Variants in RNASET2 observed in about 807,000 individuals in gnomAD.
The protein encoded by RNASET2 is ribonuclease T2.
A neutral mutation model predicts 33.9 loss-of-function variants in RNASET2; 28 were observed. The observed-to-expected ratio is 0.83, with a 90% CI of 0.61 to 1.13. The LOEUF (loss-of-function observed/expected upper bound fraction) is 1.13. RNASET2 is among the 50% of genes most tolerant of loss of function. The probability of loss-of-function intolerance (pLI) is 0.00; values close to 1 mark genes in which losing one functional copy is unlikely to be tolerated. For missense variants in RNASET2, 330 were observed against 319.9 expected (o/e 1.03, Z -0.24); for synonymous variants, 123 against 121.0 (o/e 1.02, Z -0.11).
chr6:166,938,809 A>T (rs1778628466), intron 6 of RNASET2, 86 bp downstream of exon 6: 1 of 915,490 alleles, frequency 1.1e-6, no homozygotes, highest in East Asian at 2.4e-5. Flanking sequence ...TGAGGTCTAC[A>T]CCCACTCCCC....
At chr6:166,929,939 A>C (rs1002957751) in intron 8 of RNASET2, 148 bp from the exon 9 acceptor site, 3 of 770,400 alleles carry the variant, frequency 3.9e-6, no homozygotes, top group African/African-American at 1.7e-5. Flanking sequence ...GGACCCCTTC[A>C]TTGAGCAGAA....
intron 2 of RNASET2, among the ~76,000 whole-genome samples, chr6:166,952,084 C>A (rs968610590): frequency 1.3e-5 from 2 of 152,186 alleles, no homozygotes; most frequent in Non-Finnish European, 2.9e-5. Flanking sequence ...GAGAACACAC[C>A]GTGAAGGAGA....
rs200890645 is a variant in RNASET2, at chr6:166,955,391, ACACG to A, written c.86+702_86+705del. Reference sequence around the variant, plus strand: ...CACACAAACGCACACGCACACACACACACGCGCACACACACACGCGCACACACAC... The same window carrying A: ...CACACAAACGCACACGCACACACACACGCACACACACACGCGCACACACAC... On this transcript the variant is annotated intron_variant, in intron 1 of 8. Coordinates refer to ENST00000508775, the MANE Select transcript of RNASET2 (RefSeq NM_003730.6). 9.2e-4 allele frequency: 270 copies of A among 294,084 alleles called. 2 individuals are homozygous for A. In the East Asian group the frequency reaches 0.097, roughly 106 times the overall value. 18.2% of individuals were successfully genotyped at this position (294,084 alleles called of 1,614,324 possible).
In RNASET2 at chr6:166,952,548, A is replaced by C. The variant is rs1779012002; in HGVS notation, c.87T>G (p.Arg29=). ...LCLGGADKRL[R]DNHEWKKLIM... ...TTAGTTTTTTCCACTCATGGTTGTC[A>C]CTGTTAAAACATAAGAAACTTATTT... Residue 29 remains arginine, a splice_region_variant and synonymous_variant, in exon 2 of 9, where the codon CGT becomes CGG. Transcript: ENST00000508775. 4 of 1,611,042 alleles carry C rather than the reference A, an allele frequency of 2.5e-6. No homozygotes were observed. Among genetic ancestry groups the C allele is most frequent in the Non-Finnish European group, 2.5e-6 (3 of 1,177,214 alleles).
At chr6:166,955,344 C>G (rs1410036096) in intron 1 of RNASET2, 2 of 151,266 alleles carry the variant, frequency 1.3e-5, no homozygotes, top group East Asian at 5.7e-4. Context: ...CGCACACGCA[C>G]ACGCACGCAC....
chr6:166,934,049 C>T (rs775392413), intron 7 of RNASET2, 42 bp downstream of exon 7: 4 of 1,534,738 alleles, frequency 2.6e-6, no homozygotes, highest in Non-Finnish European at 3.6e-6. Flanking sequence ...CTGGAGGTCC[C>T]CGGGAGAGAC....
intron 7 of RNASET2, chr6:166,932,101 A>G (rs537302111): frequency 1.3e-5 from 2 of 152,896 alleles, no homozygotes; most frequent in African/African-American, 4.8e-5. Flanking sequence ...AGCTTCTGAC[A>G]CCAGCAAATG....
rs1249723827 is a variant in RNASET2, at chr6:166,955,650, A to C, written c.86+447T>G. 6.0e-6 allele frequency: 6 copies of C among 1,004,350 alleles called. No homozygotes were observed. In the East Asian group the frequency reaches 6.5e-4, roughly 109 times the overall value. The allele number at this position is 1,004,350 out of a possible 1,614,324, so 62.2% of individuals were successfully genotyped here. A position where few individuals can be genotyped will look rare whatever the true frequency, so the allele number is the denominator to read the frequency against. ...AGTCTGTGGGATGAGTTTCCAGTCC[A>C]GCTCCAGGCTGGAGTGTACCCAGGA... is the stretch of plus-strand genomic sequence containing the variant. On this transcript the variant is annotated intron_variant, in intron 1 of 8. Coordinates refer to ENST00000508775, the MANE Select transcript of RNASET2 (RefSeq NM_003730.6).
intron 2 of RNASET2, among the ~76,000 whole-genome samples, chr6:166,952,275 C>T (rs1334212981): frequency 6.6e-6 from 1 of 152,254 alleles, no homozygotes; most frequent in Admixed American, 6.5e-5. Context: ...AGGCTCTCAG[C>T]CACCCAGCTT....
chr6:166,929,971 A>C (rs1403913521), intron 8 of RNASET2, among the ~76,000 whole-genome samples, 180 bp from the exon 9 acceptor site: 1 of 152,204 alleles, frequency 6.6e-6, no homozygotes, highest in Non-Finnish European at 1.5e-5. Flanking sequence ...ACTAAATTGG[A>C]AGGAGTGGCC....
chr6:166,935,646 ATGAAG>A (rs1226069839), intron 6 of RNASET2, among the ~76,000 whole-genome samples: 2 of 152,192 alleles, frequency 1.3e-5, no homozygotes, highest in Non-Finnish European at 2.9e-5. Context: ...CCTTCATATT[ATGAAG>A]TGAAGAAAAA....
chr6:166,955,259 A>ACACACACACACG (rs1562506875), intron 1 of RNASET2, among the ~76,000 whole-genome samples: 1 of 103,458 alleles, frequency 9.7e-6, no homozygotes, highest in Non-Finnish European at 1.9e-5. Flanking sequence ...GCACACACGC[A>ACACACACACACG]CACACACACA....
chr6:166,928,431 C>T lies in RNASET2; in HGVS notation c.*1157G>A, dbSNP rs1203369113. The stretch of plus-strand genomic sequence containing the variant: ...GCGAGTAAAGCCGAATATTCACAGG[C>T]ATTGATACAGCTGTTTTTTTTTTTT... On this transcript the variant is annotated 3_prime_UTR_variant, in exon 9 of 9. Coordinates refer to ENST00000508775, the MANE Select transcript of RNASET2 (RefSeq NM_003730.6). 1.4e-5 allele frequency among the ~76,000 whole-genome samples: 2 copies of T among 140,858 alleles called. No individual in the cohort carries two copies. Among genetic ancestry groups the T allele is most frequent in the Non-Finnish European group, 3.0e-5 (2 of 66,360 alleles). The allele number at this position is 140,858 out of a possible 152,430, so 92.4% of individuals were successfully genotyped here. A position where few individuals can be genotyped will look rare whatever the true frequency, so the allele number is the denominator to read the frequency against.
intron 1 of RNASET2, chr6:166,955,359 A>ACACG: frequency 4.1e-6 from 1 of 241,190 alleles, no homozygotes; most frequent in African/African-American, 4.3e-5. Context: ...ACGCACACAC[A>ACACG]CACGCACACA....
chr6:166,950,629 C>A (rs999187288), intron 2 of RNASET2, among the ~76,000 whole-genome samples: 6 of 152,206 alleles, frequency 3.9e-5, no homozygotes, highest in Non-Finnish European at 7.3e-5. Context: ...CTTGACACAC[C>A]GAGCAGGGTA....
rs771496431 is a variant in RNASET2 at position 166,946,707 on chromosome 6, C to A, written c.236G>T (p.Trp79Leu). The change falls in exon 4 of 9, where the codon TGG (tryptophan) becomes TTG (leucine). Residue 79 changes from tryptophan (W) to leucine (L), a missense_variant. Physicochemically the swap from Trp to Leu is moderately conservative, Grantham distance 61 (BLOSUM62 -2). Coordinates refer to ENST00000508775, the MANE Select transcript of RNASET2 (RefSeq NM_003730.6). ...PDKSEGCNRSWPFNLEEIKDL... is the reference protein window; with the variant it reads ...PDKSEGCNRSLPFNLEEIKDL... ...CTTAATCTCTTCTAAATTGAAGGGC[C>A]ACGATCTATTACATCCTTCACTTTT... The A allele has an allele frequency of 1.9e-6, 3 of 1,566,168 alleles. No individual in the cohort carries two copies. The highest frequency in any genetic ancestry group is 1.4e-5 in the African/African-American group (1 of 73,900).
chr6:166,922,710 C>G lies in RNASET2; in HGVS notation c.*6878G>C, dbSNP rs558697431. On this transcript the variant is annotated 3_prime_UTR_variant, in exon 9 of 9. Coordinates refer to ENST00000508775, the MANE Select transcript of RNASET2 (RefSeq NM_003730.6). ...TTATCTTTGGGCCACTGCTGACTAT[C>G]TTTTCTCAATTCAGGTTAAATATTT... Among the ~76,000 whole-genome samples the G allele has an allele frequency of 2.0e-5, 3 of 152,336 alleles. No individual in the cohort carries two copies. The highest frequency in any genetic ancestry group is 4.4e-5 in the Non-Finnish European group (3 of 68,020).
At chr6:166,943,763 G>T (rs1263690807) in intron 4 of RNASET2, 1 of 470,414 alleles carries the variant, frequency 2.1e-6, no homozygotes, top group Admixed American at 2.4e-5. Flanking sequence ...GATTGGGAGA[G>T]TTGAGGGGGA....
In RNASET2 at chr6:166,926,959, CT is replaced by C. The variant is rs1449097926; in HGVS notation, c.*2628del. 6.6e-6 allele frequency among the ~76,000 whole-genome samples: 1 copy of C among 152,190 alleles called. No homozygotes were observed. Among genetic ancestry groups the C allele is most frequent in the Non-Finnish European group, 1.5e-5 (1 of 68,036 alleles). ...GAGATGCGCCTGCTCCTTTGTCCCC[CT>C]GGGAGACACTTGTACCCCCAGCTCT... On this transcript the variant is annotated 3_prime_UTR_variant, in exon 9 of 9. Transcript: ENST00000508775.
Sources: allele counts gnomAD v4.1 joint callset (sites outside exome capture counted in the v4.1 genomes callset), GRCh38; gene constraint gnomAD v4.1.1; transcripts MANE v1.5; gene names NCBI Gene and HGNC (gene_info 2026-07-23, HGNC 2026-07-21).